GALNT13: variants seen among roughly 807,000 people sequenced by gnomAD.
GALNT13 encodes UDP-GalNAc:polypeptide N-acetylgalactosaminyltransferase 13.
Under a neutral mutation model 64.2 loss-of-function variants are expected in GALNT13, and 28 were observed. The ratio of observed to expected loss-of-function variants is 0.44; its 90% CI spans 0.32 to 0.60. The LOEUF (loss-of-function observed/expected upper bound fraction) is 0.60. Ranked by LOEUF, GALNT13 falls within the 20% of genes least tolerant of loss-of-function variation. GALNT13 has a pLI of 0.05. For synonymous variants in GALNT13, 214 were observed against 224.6 expected (o/e 0.95, Z 0.42); for missense variants, 577 against 669.8 (o/e 0.86, Z 1.53).
intron 11 of GALNT13, among the ~76,000 whole-genome samples, chr2:154,411,028 G>T (rs994602547): frequency 6.6e-6 from 1 of 151,844 alleles, no homozygotes. Context: ...TTGGAACATG[G>T]TGAGCACCTA....
chr2:153,459,834 T>C, the GALNT13 span, among the ~76,000 whole-genome samples: 1 of 152,158 alleles, frequency 6.6e-6, no homozygotes, highest in African/African-American at 2.4e-5. Context: ...TAAAGCCACA[T>C]TGTGTAGAAA....
At chr2:153,933,229 C>T (rs150460179) in intron 2 of GALNT13, among the ~76,000 whole-genome samples, 1,881 of 152,114 alleles carry the variant, frequency 0.012, 37 homozygotes, top group East Asian at 0.055. Context: ...TGTTGAAGTC[C>T]CCCATTACTA....
the GALNT13 span, among the ~76,000 whole-genome samples, chr2:153,720,465 G>C: frequency 2.0e-5 from 3 of 149,780 alleles, no homozygotes; most frequent in South Asian, 2.1e-4. Context: ...GATGGAGAAG[G>C]ATTTTGACGA....
chr2:153,564,093 G>A, the GALNT13 span, among the ~76,000 whole-genome samples: 1 of 151,978 alleles, frequency 6.6e-6, no homozygotes, highest in Non-Finnish European at 1.5e-5. Context: ...TCTTGAACAG[G>A]TCATCCTGCT....
At chr2:153,137,760 A>G in the GALNT13 span, among the ~76,000 whole-genome samples, 6 of 151,662 alleles carry the variant, frequency 4.0e-5, no homozygotes, top group African/African-American at 1.4e-4. Flanking sequence ...ACTGTAACCT[A>G]CTTGTCTTTT....
chr2:153,953,313 A>G (rs1369080248), intron 3 of GALNT13, among the ~76,000 whole-genome samples: 1 of 152,224 alleles, frequency 6.6e-6, no homozygotes, highest in Non-Finnish European at 1.5e-5. Context: ...AGATACATAC[A>G]TTAGTCAATA....
At chr2:153,119,399 G>A in the GALNT13 span, among the ~76,000 whole-genome samples, 8 of 152,146 alleles carry the variant, frequency 5.3e-5, no homozygotes, top group East Asian at 1.6e-3. Flanking sequence ...GGGGAAAGAA[G>A]GGGCCATTAC....
chr2:153,532,688 G>A, the GALNT13 span, among the ~76,000 whole-genome samples: 1 of 152,004 alleles, frequency 6.6e-6, no homozygotes, highest in Non-Finnish European at 1.5e-5. Context: ...TTACACATGT[G>A]AGCATAGGCT....
chr2:153,952,868 G>A (rs1174174526), intron 3 of GALNT13, among the ~76,000 whole-genome samples: 1 of 152,168 alleles, frequency 6.6e-6, no homozygotes, highest in African/African-American at 2.4e-5. Flanking sequence ...AAGTCCAAAA[G>A]CTGAAGAACT....
rs1231717033 is a variant in GALNT13, at chr2:153,952,493, A to G, written c.142+7854A>G. Among the ~76,000 whole-genome samples the G allele has an allele frequency of 4.5e-5, 6 of 134,688 alleles. No individual in the cohort carries two copies. In the East Asian group the frequency reaches 1.2e-3, roughly 27 times the overall value. The allele number at this position is 134,688 out of a possible 152,430, so 88.4% of individuals were successfully genotyped here. Reference sequence around the variant, plus strand: ...CTAGCCTTTGGTTAGTCTACAGATAATATTTGGTTTGAGATGAGAAATGGT... The same window carrying G: ...CTAGCCTTTGGTTAGTCTACAGATAGTATTTGGTTTGAGATGAGAAATGGT... On this transcript the variant is annotated intron_variant, in intron 3 of 12. Transcript: ENST00000392825.
chr2:153,936,748 T>A (rs570343005), intron 2 of GALNT13, among the ~76,000 whole-genome samples: 5 of 151,910 alleles, frequency 3.3e-5, no homozygotes, highest in African/African-American at 1.2e-4. Context: ...TTTGAGACAG[T>A]CTCACTCTGT....
chr2:153,614,001 T>G, the GALNT13 span, among the ~76,000 whole-genome samples: 4 of 151,642 alleles, frequency 2.6e-5, no homozygotes, highest in Non-Finnish European at 4.4e-5. Context: ...CCCTAAAACT[T>G]AAAGTATAAT....
At chr2:153,262,838 A>C in the GALNT13 span, among the ~76,000 whole-genome samples, 1 of 152,126 alleles carries the variant, frequency 6.6e-6, no homozygotes, top group African/African-American at 2.4e-5. Context: ...ACCCAGAACA[A>C]ATATCATACA....
the GALNT13 span, among the ~76,000 whole-genome samples, chr2:153,526,461 C>T: frequency 6.6e-6 from 1 of 152,200 alleles, no homozygotes; most frequent in African/African-American, 2.4e-5. Flanking sequence ...CAAGGTGGCA[C>T]CTCAAGAGTC....
At chr2:153,674,648 T>C in the GALNT13 span, among the ~76,000 whole-genome samples, 1 of 152,098 alleles carries the variant, frequency 6.6e-6, no homozygotes, top group African/African-American at 2.4e-5. Flanking sequence ...AGGCAAAGAC[T>C]TCATGACTAA....
intron 3 of GALNT13, among the ~76,000 whole-genome samples, chr2:154,088,072 C>T (rs903321993): frequency 6.6e-5 from 10 of 152,042 alleles, no homozygotes; most frequent in Non-Finnish European, 1.0e-4. Context: ...CAGACCGCTA[C>T]AATACAGTGT....
At chr2:153,260,446 T>C in the GALNT13 span, among the ~76,000 whole-genome samples, 1 of 152,214 alleles carries the variant, frequency 6.6e-6, no homozygotes, top group Admixed American at 6.5e-5. Context: ...TCCTTTATGT[T>C]TGAAGAATAT....
chr2:153,450,274 C>T, the GALNT13 span, among the ~76,000 whole-genome samples: 1 of 152,118 alleles, frequency 6.6e-6, no homozygotes, highest in Non-Finnish European at 1.5e-5. Flanking sequence ...TAAGTTTCTT[C>T]CAGCATATTA....
At chr2:154,156,347 A>C (rs1489497112) in intron 4 of GALNT13, among the ~76,000 whole-genome samples, 6 of 152,110 alleles carry the variant, frequency 3.9e-5, no homozygotes, top group African/African-American at 1.4e-4. Context: ...CAAGTGTAGC[A>C]CATAGTTCCT....
Sources: allele counts gnomAD v4.1 joint callset (sites outside exome capture counted in the v4.1 genomes callset), GRCh38; gene constraint gnomAD v4.1.1; transcripts MANE v1.5; gene names NCBI Gene and HGNC (gene_info 2026-07-23, HGNC 2026-07-21).